Variants in ATP9B observed in about 807,000 individuals in gnomAD.
ATP9B encodes the protein probable phospholipid-transporting ATPase IIB.
ATP9B carries 110 observed loss-of-function variants against 146.1 expected under a neutral mutation model. The ratio of observed to expected loss-of-function variants is 0.75; its 90% CI spans 0.65 to 0.88. The LOEUF is 0.88. ATP9B is among the 40% of genes least tolerant of loss of function. ATP9B has a pLI of 0.00. For synonymous variants in ATP9B, 604 were observed against 569.7 expected, an observed-to-expected ratio of 1.06 and a Z score of -0.86; for missense variants, 1,499 against 1,496.4, an observed-to-expected ratio of 1.00 and a Z score of -0.03.
intron 13 of ATP9B, among the ~76,000 whole-genome samples, chr18:79,293,918 G>A (rs565347735): frequency 1.3e-5 from 2 of 152,280 alleles, no homozygotes; most frequent in East Asian, 3.9e-4. Context: ...TTCTGTGACA[G>A]CTATCTGGTC....
chr18:79,103,285 TAAGAA>T (rs2075417986), intron 2 of ATP9B, among the ~76,000 whole-genome samples: 2 of 149,618 alleles, frequency 1.3e-5, no homozygotes, highest in Non-Finnish European at 3.0e-5. Flanking sequence ...TTTTTTTTTT[TAAGAA>T]ATCTATCTTG....
chr18:79,281,344 A>C (rs1278409116), intron 13 of ATP9B, among the ~76,000 whole-genome samples: 1 of 152,012 alleles, frequency 6.6e-6, no homozygotes, highest in East Asian at 1.9e-4. Flanking sequence ...TAAAAATACA[A>C]AAATTAGCCA....
intron 13 of ATP9B, among the ~76,000 whole-genome samples, chr18:79,293,146 T>C (rs1032814591): frequency 6.6e-6 from 1 of 150,786 alleles, no homozygotes; most frequent in African/African-American, 2.4e-5. Flanking sequence ...AGATATCCCA[T>C]GCAAAAAATG....
At position 79,180,699 on chromosome 18, in the gene ATP9B, C is replaced by T. The variant is rs76527131; in HGVS notation, c.873+3792C>T. ...CCATTTACTGCCAATTTCCTTTAGC[C>T]CTAAGAACTTCTTTCAACGTATCTT... is the stretch of plus-strand genomic sequence containing the variant. On this transcript the variant is annotated intron_variant, in intron 8 of 29. Transcript: ENST00000426216. Among the ~76,000 whole-genome samples the T allele has an allele frequency of 8.1e-3, 1,238 of 152,254 alleles. 17 individuals carry two copies. Among genetic ancestry groups the T allele is most frequent in the African/African-American group, 0.028 (1,146 of 41,540 alleles).
chr18:79,210,940 A>G (rs1395777193), intron 10 of ATP9B, among the ~76,000 whole-genome samples: 1 of 152,222 alleles, frequency 6.6e-6, no homozygotes, highest in Non-Finnish European at 1.5e-5. Flanking sequence ...TTGATTTGAT[A>G]ACTTAAGGCC....
At chr18:79,108,881 CTTCATATATTCAAA>C (rs1353723916) in intron 2 of ATP9B, among the ~76,000 whole-genome samples, 1 of 152,190 alleles carries the variant, frequency 6.6e-6, no homozygotes, top group East Asian at 1.9e-4. Context: ...ATGAAGTTTA[CTTCATATATTCAAA>C]TTCATAAATT....
chr18:79,298,945 A>G (rs868641407), intron 13 of ATP9B, among the ~76,000 whole-genome samples: 6 of 151,856 alleles, frequency 4.0e-5, no homozygotes, highest in South Asian at 2.1e-4. Context: ...CAAGGCAGTC[A>G]GCCTGAGCTG....
At chr18:79,375,492 TTAAC>T (rs1208000025) in intron 29 of ATP9B, 66 bp downstream of exon 29, 12 of 1,570,248 alleles carry the variant, frequency 7.6e-6, no homozygotes, top group Middle Eastern at 1.8e-4. Context: ...ATAAAGATAC[TTAAC>T]TAATAAGAAA....
At chr18:79,124,552 A>G (rs2094248516) in intron 4 of ATP9B, among the ~76,000 whole-genome samples, 1 of 152,176 alleles carries the variant, frequency 6.6e-6, no homozygotes. Context: ...TGGCTTTAGG[A>G]TACTTCTCAA....
At chr18:79,257,627 G>A (rs2096095804) in intron 12 of ATP9B, among the ~76,000 whole-genome samples, 1 of 152,210 alleles carries the variant, frequency 6.6e-6, no homozygotes, top group African/African-American at 2.4e-5. Flanking sequence ...AAAATGTCTT[G>A]GCAGAGAAAG....
intron 11 of ATP9B, among the ~76,000 whole-genome samples, chr18:79,248,491 A>G (rs1017251805): frequency 6.6e-6 from 1 of 152,206 alleles, no homozygotes; most frequent in East Asian, 1.9e-4. Flanking sequence ...GCATAGCCCT[A>G]TATCAGTTTT....
At chr18:79,122,600 A>C (rs914265095) in intron 4 of ATP9B, among the ~76,000 whole-genome samples, 2 of 152,126 alleles carry the variant, frequency 1.3e-5, no homozygotes, top group Non-Finnish European at 1.5e-5. Flanking sequence ...TGATCCTATA[A>C]TTTTTCCTTT....
intron 2 of ATP9B, among the ~76,000 whole-genome samples, chr18:79,108,445 C>T (rs889740213): frequency 1.9e-4 from 29 of 152,164 alleles, no homozygotes; most frequent in African/African-American, 6.8e-4. Context: ...CACTTTAATA[C>T]CACCCTGATT....
chr18:79,128,230 T>TTG lies in ATP9B; in HGVS notation c.667+1857_667+1858dup, dbSNP rs199594377. On this transcript the variant is annotated intron_variant, in intron 5 of 29. Transcript: ENST00000426216. ...GCCTGCACTGCGCCCGGGTGATTTT[T>TTG]TGTATTTTTAGTCGATACGGGGTTT... Among the ~76,000 whole-genome samples, 1,120 of 152,080 alleles carry TTG rather than the reference T, an allele frequency of 7.4e-3. 3 individuals carry two copies. Among genetic ancestry groups the TTG allele is most frequent in the Middle Eastern group, 0.02 (6 of 294 alleles).
Position 79,069,432 on chromosome 18 carries a change from T to C in ATP9B, c.22T>C (p.Tyr8His), listed in dbSNP as rs1260521289. The change falls in exon 1 of 30, where the codon TAC (tyrosine) becomes CAC (histidine). Residue 8 changes from tyrosine to histidine, a missense_variant. By Grantham distance (83) the Tyr-to-His change is moderately conservative. Transcript: ENST00000426216. MADQIPL[Y>H]PVRSAAAAAA... The stretch of plus-strand genomic sequence containing the variant: ...GAACATGGCGGACCAGATCCCGCTT[T>C]ACCCGGTGCGTAGCGCAGCGGCGGC... 3.3e-6 allele frequency: 5 copies of C among 1,520,658 alleles called. No individual in the cohort carries two copies. The highest frequency in any genetic ancestry group is 2.9e-5 in the African/African-American group (2 of 69,696). 94.2% of individuals were successfully genotyped at this position (1,520,658 alleles called of 1,614,324 possible).
chr18:79,250,778 C>A (rs1162532156), intron 11 of ATP9B, among the ~76,000 whole-genome samples: 1 of 152,164 alleles, frequency 6.6e-6, no homozygotes, highest in Non-Finnish European at 1.5e-5. Context: ...AACTTCAGAA[C>A]TGGTTGAGTA....
intron 11 of ATP9B, among the ~76,000 whole-genome samples, chr18:79,245,949 G>A (rs1157560683): frequency 3.3e-5 from 5 of 149,490 alleles, no homozygotes; most frequent in Non-Finnish European, 1.5e-5. Flanking sequence ...TACTGACTGC[G>A]CGGAGGGCAC....
intron 8 of ATP9B, among the ~76,000 whole-genome samples, chr18:79,184,696 CCTT>C (rs1017172965): frequency 3.9e-5 from 6 of 152,170 alleles, no homozygotes; most frequent in African/African-American, 1.4e-4. Flanking sequence ...CTCCTTGTGT[CCTT>C]CTTTTTCTTG....
At chr18:79,329,408 T>G in intron 16 of ATP9B, 106 bp downstream of exon 16, 1 of 1,287,866 alleles carries the variant, frequency 7.8e-7, no homozygotes, top group South Asian at 1.8e-5. Context: ...CTCAGGTGCT[T>G]TATGCTGTTA....
Sources: allele counts gnomAD v4.1 joint callset (sites outside exome capture counted in the v4.1 genomes callset), GRCh38; gene constraint gnomAD v4.1.1; transcripts MANE v1.5; gene names NCBI Gene and HGNC (gene_info 2026-07-23, HGNC 2026-07-21).